The following PPP1CB variants were observed in gnomAD, a reference collection of about 807,000 sequenced individuals.
PPP1CB encodes protein phosphatase 1 catalytic subunit beta.
A neutral mutation model predicts 43.7 loss-of-function variants in PPP1CB; 2 were observed. The ratio of observed to expected loss-of-function variants is 0.05; its 90% CI spans 0.02 to 0.14. The LOEUF (loss-of-function observed/expected upper bound fraction) is 0.14, where lower values mean the gene tolerates loss of function less well. Among genes scored for constraint, PPP1CB ranks in the 10% least tolerant of loss-of-function variants. The pLI, the probability that PPP1CB is intolerant of heterozygous loss-of-function variation, is 1.00. For missense variants in PPP1CB, 84 were observed against 398.0 expected, an observed-to-expected ratio of 0.21 and a Z score of 6.71; for synonymous variants, 136 against 135.6, an observed-to-expected ratio of 1.00 and a Z score of -0.02.
intron 1 of PPP1CB, among the ~76,000 whole-genome samples, chr2:28,761,176 C>T (rs1666637280): frequency 6.6e-6 from 1 of 152,068 alleles, no homozygotes; most frequent in African/African-American, 2.4e-5. Context: ...TGGGGTGAGC[C>T]ACCGCGCCCG....
At position 28,799,195 on chromosome 2, in the gene PPP1CB, T is replaced by C. The variant is rs567352505; in HGVS notation, c.880-4T>C. Reference sequence around the variant, plus strand: ...AACATTATTTGTTAATAATTTACTTTAAGATATTGAAACCATCTGAAAAGA... The same window carrying C: ...AACATTATTTGTTAATAATTTACTTCAAGATATTGAAACCATCTGAAAAGA... On this transcript the variant is annotated splice_polypyrimidine_tract_variant and splice_region_variant and intron_variant, in intron 7 of 7. Transcript: ENST00000395366. 2.0e-6 allele frequency: 3 copies of C among 1,532,058 alleles called. No individual in the cohort carries two copies. The highest frequency in any genetic ancestry group is 1.4e-5 in the African/African-American group (1 of 72,464). 94.9% of individuals were successfully genotyped at this position (1,532,058 alleles called of 1,614,324 possible).
Position 28,801,014 on chromosome 2 carries a change from A to G in PPP1CB, c.*1711A>G, listed in dbSNP as rs1667603671. 6.6e-6 allele frequency: 1 copy of G among 152,412 alleles called. No individual in the cohort carries two copies. Among genetic ancestry groups the G allele is most frequent in the Admixed American group, 6.6e-5 (1 of 15,254 alleles). 9.4% of individuals were successfully genotyped at this position (152,412 alleles called of 1,614,324 possible). On this transcript the variant is annotated 3_prime_UTR_variant, in exon 8 of 8. Transcript: ENST00000395366. ...AGCACATTTTAAATGTAGTTTTCTC[A>G]TTTAGTAAAAGTTGTCTAATTGATA...
At chr2:28,761,671 C>T (rs1160204172) in intron 1 of PPP1CB, among the ~76,000 whole-genome samples, 2 of 152,208 alleles carry the variant, frequency 1.3e-5, no homozygotes. Flanking sequence ...TTGCATATAA[C>T]CACTATTCTT....
In PPP1CB at chr2:28,799,806, T is replaced by A. The variant is rs1667571312; in HGVS notation, c.*503T>A. On this transcript the variant is annotated 3_prime_UTR_variant, in exon 8 of 8. Transcript: ENST00000395366. ...TTACAGACATTCACCAACTATTATT[T>A]TCCCTTGTTTATCTACTTAGATATC... is the stretch of plus-strand genomic sequence containing the variant. 1 of 152,580 alleles carries A rather than the reference T, an allele frequency of 6.6e-6. No individual in the cohort carries two copies. The highest frequency in any genetic ancestry group is 2.4e-5 in the African/African-American group (1 of 41,430). 9.5% of individuals were successfully genotyped at this position (152,580 alleles called of 1,614,324 possible). A position where few individuals can be genotyped will look rare whatever the true frequency, so the allele number is the denominator to read the frequency against.
intron 4 of PPP1CB, among the ~76,000 whole-genome samples, chr2:28,783,592 C>T (rs1667200574): frequency 6.6e-6 from 1 of 151,960 alleles, no homozygotes; most frequent in Non-Finnish European, 1.5e-5. Flanking sequence ...CCCGTCTCTA[C>T]TAAAAATACA....
chr2:28,759,615 C>T (rs1239223160), intron 1 of PPP1CB, among the ~76,000 whole-genome samples: 1 of 145,662 alleles, frequency 6.9e-6, no homozygotes, highest in Non-Finnish European at 1.5e-5. Flanking sequence ...ATATATTTAC[C>T]TTTTTTTTTT....
chr2:28,789,806 C>T (rs1667349210), intron 6 of PPP1CB, among the ~76,000 whole-genome samples: 1 of 151,854 alleles, frequency 6.6e-6, no homozygotes, highest in African/African-American at 2.4e-5. Flanking sequence ...ACCATGTTGG[C>T]CAGGCTGCCC....
At chr2:28,776,829 T>A in intron 1 of PPP1CB, 22 bp from the exon 2 acceptor site, 1 of 1,578,004 alleles carries the variant, frequency 6.3e-7, no homozygotes, top group Non-Finnish European at 8.6e-7. Context: ...GAAAACTGAC[T>A]GTTTTATTTA....
rs779498657 is a variant in PPP1CB at position 28,783,902 on chromosome 2, T to G, written c.521-5T>G. On this transcript the variant is annotated splice_region_variant and splice_polypyrimidine_tract_variant and intron_variant, in intron 4 of 7. Transcript: ENST00000395366. The stretch of plus-strand genomic sequence containing the variant: ...TAGTACTATGTCTCATCTTTTTATT[T>G]ATAGGATTGTCACCAGACCTGCAAT... 34 of 1,607,456 alleles carry G rather than the reference T, an allele frequency of 2.1e-5. No homozygotes were observed. The South Asian group carries it at 3.4e-4, about 16-fold the overall frequency.
At chr2:28,798,956 T>G (rs1182105198) in intron 7 of PPP1CB, among the ~76,000 whole-genome samples, 2 of 152,032 alleles carry the variant, frequency 1.3e-5, no homozygotes, top group African/African-American at 4.8e-5. Context: ...TTCAAAAAGT[T>G]TTTTACTTAA....
intron 1 of PPP1CB, among the ~76,000 whole-genome samples, chr2:28,770,681 C>G (rs545759648): frequency 2.0e-5 from 3 of 152,090 alleles, no homozygotes; most frequent in African/African-American, 7.2e-5. Context: ...GTAGAACAAA[C>G]AGGAAAAAAT....
intron 1 of PPP1CB, among the ~76,000 whole-genome samples, chr2:28,776,203 G>A (rs896750302): frequency 1.3e-5 from 2 of 150,970 alleles, no homozygotes; most frequent in African/African-American, 2.4e-5. Flanking sequence ...CTTAAAGGGT[G>A]CGGGCTCTGA....
At chr2:28,757,274 A>T (rs1666515327) in intron 1 of PPP1CB, among the ~76,000 whole-genome samples, 1 of 152,204 alleles carries the variant, frequency 6.6e-6, no homozygotes, top group Non-Finnish European at 1.5e-5. Flanking sequence ...TAATTCATTC[A>T]TCAGTTGATG....
intron 1 of PPP1CB, among the ~76,000 whole-genome samples, chr2:28,754,577 T>G (rs1666438047): frequency 6.6e-6 from 1 of 152,186 alleles, no homozygotes; most frequent in Admixed American, 6.5e-5. Flanking sequence ...CAGAAGCATA[T>G]TTAGTTTGAC....
At chr2:28,780,788 C>G (rs1378286334) in intron 3 of PPP1CB, among the ~76,000 whole-genome samples, 1 of 152,138 alleles carries the variant, frequency 6.6e-6, no homozygotes, top group Non-Finnish European at 1.5e-5. Context: ...AATCGAGTAA[C>G]TCTAAAAAGG....
chr2:28,785,065 CTTTTTTTTTTT>C (rs769650329), intron 5 of PPP1CB, among the ~76,000 whole-genome samples: 1,014 of 55,022 alleles, frequency 0.018, 29 homozygotes, highest in African/African-American at 0.077. Flanking sequence ...GTGTTAGGAG[CTTTTTTTTTTT>C]TTTTTTTTTT....
At chr2:28,771,058 T>TG in intron 1 of PPP1CB, among the ~76,000 whole-genome samples, 1 of 74,090 alleles carries the variant, frequency 1.3e-5, no homozygotes, top group Non-Finnish European at 2.6e-5. Context: ...CCCCACCCTT[T>TG]TTTTTTTTTT....
At chr2:28,780,870 C>T (rs932679260) in intron 3 of PPP1CB, among the ~76,000 whole-genome samples, 7 of 152,102 alleles carry the variant, frequency 4.6e-5, no homozygotes, top group African/African-American at 1.7e-4. Context: ...AGCCTTTGTG[C>T]CTCTATTTAT....
intron 6 of PPP1CB, among the ~76,000 whole-genome samples, chr2:28,792,686 G>A (rs904469100): frequency 1.3e-5 from 2 of 152,190 alleles, no homozygotes; most frequent in Admixed American, 6.5e-5. Flanking sequence ...TAGTACTGAG[G>A]TAGGAGTTAT....
Sources: gnomAD v4.1 joint callset for allele counts (sites outside exome capture counted in the v4.1 genomes callset) on GRCh38, gnomAD v4.1.1 for gene constraint, MANE v1.5 for transcripts, NCBI Gene and HGNC (gene_info 2026-07-23, HGNC 2026-07-21) for gene names.